The following DNAH17 variants were observed in gnomAD, a reference collection of about 807,000 sequenced individuals.
DNAH17 encodes the protein dynein axonemal heavy chain 17.
DNAH17 carries 376 observed loss-of-function variants against 485.6 expected under a neutral mutation model. The ratio of observed to expected loss-of-function variants is 0.77; its 90% CI spans 0.71 to 0.84. The LOEUF (loss-of-function observed/expected upper bound fraction) is 0.84, where lower values mean the gene tolerates loss of function less well. Ranked by LOEUF, DNAH17 falls within the 40% of genes least tolerant of loss-of-function variation. DNAH17 has a pLI of 0.00. For synonymous variants in DNAH17, 3,031 were observed against 2,405.9 expected (o/e 1.26, Z -7.60); for missense variants, 6,370 against 5,839.3 (o/e 1.09, Z -2.96).
rs372382950 is a variant in DNAH17, at chr17:78,544,026, G to C, written c.2392-29C>G. Reference sequence around the variant, plus strand: ...GAAGGAAAGCACAGGAGTGAGAAAAGGTGTTCTGGAGAAACTGCTTTCAGT... The same window carrying C: ...GAAGGAAAGCACAGGAGTGAGAAAACGTGTTCTGGAGAAACTGCTTTCAGT... On this transcript the variant is annotated intron_variant, in intron 16 of 80. Coordinates refer to ENST00000389840, the MANE Select transcript of DNAH17 (RefSeq NM_173628.4). 2.5e-6 allele frequency: 4 copies of C among 1,613,420 alleles called. No homozygotes were observed. In the African/African-American group the frequency reaches 4.0e-5, roughly 16 times the overall value.
chr17:78,523,914 T>C (rs1413762115), intron 25 of DNAH17, among the ~76,000 whole-genome samples: 1 of 152,050 alleles, frequency 6.6e-6, no homozygotes, highest in Non-Finnish European at 1.5e-5. Context: ...GTCTCAAAAA[T>C]AAATAAAAAT....
At chr17:78,424,630 A>T (rs941150668) in intron 80 of DNAH17, 4 of 155,608 alleles carry the variant, frequency 2.6e-5, no homozygotes, top group African/African-American at 9.6e-5. Context: ...CCTGTCTGAA[A>T]TCTCAAAATA....
rs764117941 is a variant in DNAH17 at position 78,479,372 on chromosome 17, TATTG to T, written c.7900+109_7900+112del. 426 of 1,311,204 alleles carry T rather than the reference TATTG, an allele frequency of 3.2e-4. 4 individuals carry two copies. Among genetic ancestry groups the T allele is most frequent in the Middle Eastern group, 3.8e-4 (2 of 5,218 alleles). The allele number at this position is 1,311,204 out of a possible 1,614,324, so 81.2% of individuals were successfully genotyped here. On this transcript the variant is annotated intron_variant, in intron 50 of 80. Coordinates refer to ENST00000389840, the MANE Select transcript of DNAH17 (RefSeq NM_173628.4). ...TCGAAACATAGCATCGTTTTTAAGA[TATTG>T]ATTTAGAATTATAAATAAAATATTT... is the stretch of plus-strand genomic sequence containing the variant.
chr17:78,445,467 G>T (rs2087245022), intron 70 of DNAH17, 91 bp downstream of exon 70: 1 of 1,482,434 alleles, frequency 6.7e-7, no homozygotes, highest in South Asian at 1.3e-5. Context: ...ACAGAGCCTG[G>T]TATTCTGGCC....
In DNAH17 at chr17:78,491,581, C is replaced by T. The variant is rs377224338; in HGVS notation, c.6542-11G>A. 2.9e-5 allele frequency: 46 copies of T among 1,613,020 alleles called. No individual in the cohort carries two copies. The East Asian group carries it at 6.7e-4, about 23-fold the overall frequency. On this transcript the variant is annotated splice_polypyrimidine_tract_variant and intron_variant, in intron 42 of 80. Transcript: ENST00000389840. ...TGGTGGAGAACAGGCCTGGGGGAGG[C>T]GCGTGGTATGACCCCGGGCCCTTCA...
intron 67 of DNAH17, 56 bp downstream of exon 67, chr17:78,450,626 G>T: frequency 1.9e-6 from 3 of 1,573,064 alleles, no homozygotes; most frequent in Non-Finnish European, 2.6e-6. Flanking sequence ...CCGATCGCCC[G>T]TGGCCCAGCC....
intron 14 of DNAH17, among the ~76,000 whole-genome samples, chr17:78,556,255 C>G (rs2092021250): frequency 6.6e-6 from 1 of 152,148 alleles, no homozygotes; most frequent in African/African-American, 2.4e-5. Flanking sequence ...ATCTGTCTAT[C>G]CCATTGGTTC....
At chr17:78,479,979 C>CTGCTAAA (rs1200154182) in intron 49 of DNAH17, among the ~76,000 whole-genome samples, 2 of 144,418 alleles carry the variant, frequency 1.4e-5, no homozygotes, top group East Asian at 4.1e-4. Context: ...ACAGGATGCC[C>CTGCTAAA]TGCTAAATCT....
At chr17:78,469,373 C>T (rs2088641407) in intron 54 of DNAH17, among the ~76,000 whole-genome samples, 1 of 152,204 alleles carries the variant, frequency 6.6e-6, no homozygotes, top group South Asian at 2.1e-4. Flanking sequence ...GATCTCTTGA[C>T]CTTGTGATCC....
chr17:78,459,759 GCTA>G (rs1568083020), intron 60 of DNAH17, 22 bp downstream of exon 60: 2 of 1,612,472 alleles, frequency 1.2e-6, no homozygotes, highest in Non-Finnish European at 1.7e-6. Flanking sequence ...GGAAGCCCCG[GCTA>G]CGAGGCCCAG....
In DNAH17 at chr17:78,568,916, C is replaced by T. The variant is rs375879479; in HGVS notation, c.1284+250G>A. Among the ~76,000 whole-genome samples the T allele has an allele frequency of 7.9e-5, 12 of 152,330 alleles. No homozygotes were observed. In the South Asian group the frequency reaches 1.2e-3, roughly 16 times the overall value. ...GTGGGGGTTTAACTTATCAGTAACC[C>T]GCTCATGATAGGATGCACGAGATAA... On this transcript the variant is annotated intron_variant, in intron 9 of 80. Coordinates refer to ENST00000389840, the MANE Select transcript of DNAH17 (RefSeq NM_173628.4).
intron 73 of DNAH17, among the ~76,000 whole-genome samples, 183 bp from the exon 74 acceptor site, chr17:78,438,051 G>A (rs1056450422): frequency 1.4e-4 from 22 of 152,154 alleles, no homozygotes; most frequent in African/African-American, 4.6e-4. Context: ...GGGCATGCCA[G>A]GATGTCTTCG....
In DNAH17 at chr17:78,576,378, T is replaced by C. The variant is rs151165938; in HGVS notation, c.-26+917A>G. 3.3e-3 allele frequency among the ~76,000 whole-genome samples: 507 copies of C among 152,214 alleles called. 3 individuals are homozygous for C. The highest frequency in any genetic ancestry group is 0.014 in the Middle Eastern group (4 of 294). On this transcript the variant is annotated intron_variant, in intron 1 of 80. Coordinates refer to ENST00000389840, the MANE Select transcript of DNAH17 (RefSeq NM_173628.4). ...GCTCCAAACATCTCTGAGAGAGGACTTGGGGAATATTTGGCCAGCAAATGG... is the reference window on the plus strand; with the variant it reads ...GCTCCAAACATCTCTGAGAGAGGACCTGGGGAATATTTGGCCAGCAAATGG...
chr17:78,528,931 G>A (rs577303455), intron 22 of DNAH17, among the ~76,000 whole-genome samples: 4 of 147,234 alleles, frequency 2.7e-5, no homozygotes, highest in Non-Finnish European at 6.0e-5. Context: ...AGGAGACATG[G>A]GACATAAAGG....
In DNAH17 at chr17:78,486,217, G is replaced by A. The variant is rs1168107883; in HGVS notation, c.7101+7C>T. 6.3e-7 allele frequency: 1 copy of A among 1,587,086 alleles called. No individual in the cohort carries two copies. The highest frequency in any genetic ancestry group is 1.2e-5 in the South Asian group (1 of 86,412). On this transcript the variant is annotated splice_region_variant and intron_variant, in intron 45 of 80. Coordinates refer to ENST00000389840, the MANE Select transcript of DNAH17 (RefSeq NM_173628.4). ...GTGTGGGTGGCCGGGCCCCCCAGGTGCATCACCTGGTCCTGGAACATGGCG... is the reference window on the plus strand; with the variant it reads ...GTGTGGGTGGCCGGGCCCCCCAGGTACATCACCTGGTCCTGGAACATGGCG...
intron 44 of DNAH17, among the ~76,000 whole-genome samples, chr17:78,486,736 G>A (rs976654389): frequency 1.8e-4 from 28 of 152,200 alleles, no homozygotes; most frequent in Non-Finnish European, 1.0e-4. Context: ...CCTCTCTGGG[G>A]TTGCTAGCTA....
In DNAH17 at chr17:78,439,018, G is replaced by A. The variant is rs180848345; in HGVS notation, c.11805+72C>T. ...AACTCCACATCCTGCTTCCTTCCGGGCCTTCTGGCCCATCCCCATTGGCCA... is the reference window on the plus strand; with the variant it reads ...AACTCCACATCCTGCTTCCTTCCGGACCTTCTGGCCCATCCCCATTGGCCA... On this transcript the variant is annotated intron_variant, in intron 73 of 80. Transcript: ENST00000389840. 22 of 1,545,366 alleles carry A rather than the reference G, an allele frequency of 1.4e-5. No individual in the cohort carries two copies. In the African/African-American group the frequency reaches 3.1e-4, roughly 21 times the overall value.
At chr17:78,564,857 C>G (rs1434435585) in intron 11 of DNAH17, among the ~76,000 whole-genome samples, 1 of 152,102 alleles carries the variant, frequency 6.6e-6, no homozygotes, top group Non-Finnish European at 1.5e-5. Flanking sequence ...TGAGAAGGGA[C>G]CAGCCTGGGG....
Position 78,560,796 on chromosome 17 carries a change from G to A in DNAH17, c.1975C>T (p.Pro659Ser), listed in dbSNP as rs759020720. Residue 659 changes from proline to serine, a missense_variant, in exon 13 of 81, where the codon CCG (proline) becomes TCG (serine). Pro to Ser is a moderately conservative substitution (Grantham distance 74). Transcript: ENST00000389840. Reference protein sequence around the residue: ...DQDCHFNLGQPLILRDAASNL... With the variant: ...DQDCHFNLGQSLILRDAASNL... ...CTAGCGGCGTCCCGCAGAATCAGCG[G>A]CTGCCCCAGGTTAAAGTGGCAGTCC... 5.8e-6 allele frequency: 9 copies of A among 1,552,010 alleles called. No homozygotes were observed. Among genetic ancestry groups the A allele is most frequent in the Non-Finnish European group, 7.8e-6 (9 of 1,147,246 alleles).
Sources: gnomAD v4.1 joint callset for allele counts (sites outside exome capture counted in the v4.1 genomes callset) on GRCh38, gnomAD v4.1.1 for gene constraint, MANE v1.5 for transcripts, NCBI Gene and HGNC (gene_info 2026-07-23, HGNC 2026-07-21) for gene names.